The following FDXR variants were observed in gnomAD, a reference collection of about 807,000 sequenced individuals.
FDXR encodes the protein NADPH:adrenodoxin oxidoreductase, mitochondrial.
FDXR carries 38 observed loss-of-function variants against 58.3 expected under a neutral mutation model. That is an observed-to-expected ratio of 0.65 (90% CI 0.50 to 0.85). The LOEUF (loss-of-function observed/expected upper bound fraction) is 0.85. Ranked by LOEUF, FDXR falls within the 40% of genes least tolerant of loss-of-function variation. The pLI is 0.00. For synonymous variants in FDXR, 275 were observed against 273.8 expected (o/e 1.00, Z -0.04); for missense variants, 624 against 671.0 (o/e 0.93, Z 0.77).
At chr17:74,869,260 C>T (rs2038294052) in intron 2 of FDXR, among the ~76,000 whole-genome samples, 1 of 152,226 alleles carries the variant, frequency 6.6e-6, no homozygotes, top group South Asian at 2.1e-4. Flanking sequence ...ACATTGCTGA[C>T]TCTTGGGCCC....
Position 74,864,360 on chromosome 17 carries a change from T to G in FDXR, c.803-13A>C. On this transcript the variant is annotated splice_polypyrimidine_tract_variant and intron_variant, in intron 8 of 11. Coordinates refer to ENST00000293195, the MANE Select transcript of FDXR (RefSeq NM_024417.5). ...GGGCGGGGGACCTCTGTCAGCAACG[T>G]AGAATGTCTCCAGGCTGTCCCTGGG... 1.9e-6 allele frequency: 3 copies of G among 1,580,484 alleles called. No homozygotes were observed. Among genetic ancestry groups the G allele is most frequent in the Non-Finnish European group, 2.6e-6 (3 of 1,161,598 alleles).
chr17:74,864,202 G>A lies in FDXR; in HGVS notation c.948C>T (p.Pro316=). The A allele has an allele frequency of 6.2e-7, 1 of 1,612,026 alleles. No homozygotes were observed. Among genetic ancestry groups the A allele is most frequent in the African/African-American group, 1.3e-5 (1 of 75,050 alleles). Residue 316 remains proline (P), a synonymous_variant, in exon 9 of 12, where the codon CCC becomes CCT. Transcript: ENST00000293195. ...CTGCTGCCCGCCGCCCATCTGGTGA[G>A]GGCAGCACCTGCTGGGGGCTTCGGA... is the stretch of plus-strand genomic sequence containing the variant. ...RFFRSPQQVL[P]SPDGRRAAGV...
At position 74,862,647 on chromosome 17, in the gene FDXR, G is replaced by T. The variant is rs1193050774; in HGVS notation, c.*170C>A. The T allele has an allele frequency of 2.2e-6, 2 of 928,390 alleles. No individual in the cohort carries two copies. The highest frequency in any genetic ancestry group is 3.1e-6 in the Non-Finnish European group (2 of 641,264). 57.5% of individuals were successfully genotyped at this position (928,390 alleles called of 1,614,324 possible). On this transcript the variant is annotated 3_prime_UTR_variant, in exon 12 of 12. Coordinates refer to ENST00000293195, the MANE Select transcript of FDXR (RefSeq NM_024417.5). ...GTTGCTGAAAGCTAAAACCTTGCGC[G>T]CAAGGGCGACCTTCCCCAGGAGGGA...
rs776714079 is a variant in FDXR, at chr17:74,866,529, G to A, written c.310C>T (p.Arg104Cys). ...TCCACGTTGCCCCAGAAGGCACAGC[G>A]GCCAGAATGGGCCGTCTGGGTAAAT... ...NTFTQTAHSG[R>C]CAFWGNVEVG... Residue 104 changes from arginine (R) to cysteine (C), a missense_variant, in exon 4 of 12, where the codon CGC (arginine) becomes TGC (cysteine). Transcript: ENST00000293195. 72 of 1,613,562 alleles carry A rather than the reference G, an allele frequency of 4.5e-5. No homozygotes were observed. The highest frequency in any genetic ancestry group is 2.2e-5 in the East Asian group (1 of 44,888).
At chr17:74,865,852 A>G (rs2467577) in intron 5 of FDXR, 32 bp from the exon 6 acceptor site, 1,230,609 of 1,542,602 alleles carry the variant, frequency 0.8, 493,762 homozygotes, top group African/African-American at 0.95. Flanking sequence ...AGGGTCCCCC[A>G]GCCTCGCTCC....
intron 2 of FDXR, 33 bp from the exon 3 acceptor site, chr17:74,866,909 C>T (rs1244207181): frequency 8.2e-6 from 13 of 1,591,870 alleles, no homozygotes; most frequent in Middle Eastern, 1.7e-4. Context: ...CTGGTGGGGC[C>T]GAGAGAGAGA....
chr17:74,871,644 T>C, intron 2 of FDXR, among the ~76,000 whole-genome samples: 1 of 152,092 alleles, frequency 6.6e-6, no homozygotes, highest in Non-Finnish European at 1.5e-5. Context: ...CAGGTAAAGT[T>C]ACAGAAAGCG....
At chr17:74,866,308 C>G in intron 4 of FDXR, 64 bp from the exon 5 acceptor site, 1 of 1,565,556 alleles carries the variant, frequency 6.4e-7, no homozygotes, top group East Asian at 2.3e-5. Flanking sequence ...GGCCGGGCAG[C>G]CCCCCAGGCT....
Position 74,862,684 on chromosome 17 carries a change from G to A in FDXR, c.*133C>T. On this transcript the variant is annotated 3_prime_UTR_variant, in exon 12 of 12. Coordinates refer to ENST00000293195, the MANE Select transcript of FDXR (RefSeq NM_024417.5). ...TTCCCCAGGAGGGAGGAGAGACGCT[G>A]GAAGAGCAGCCAAGCCTCCAAGCCA... 1 of 1,261,462 alleles carries A rather than the reference G, an allele frequency of 7.9e-7. No homozygotes were observed. The highest frequency in any genetic ancestry group is 1.1e-6 in the Non-Finnish European group (1 of 930,054). 78.1% of individuals were successfully genotyped at this position (1,261,462 alleles called of 1,614,324 possible).
At chr17:74,871,146 C>T (rs1215970819) in intron 2 of FDXR, among the ~76,000 whole-genome samples, 1 of 152,172 alleles carries the variant, frequency 6.6e-6, no homozygotes, top group African/African-American at 2.4e-5. Flanking sequence ...CCTCGGCTCA[C>T]GCTGCCCACA....
chr17:74,868,354 G>C, intron 2 of FDXR: 1 of 653,530 alleles, frequency 1.5e-6, no homozygotes, highest in Non-Finnish European at 2.8e-6. Flanking sequence ...GTGGTGTCCT[G>C]CTCAAGGTTA....
chr17:74,866,525 C>T lies in FDXR; in HGVS notation c.314G>A (p.Cys105Tyr), dbSNP rs367813817. The stretch of plus-strand genomic sequence containing the variant: ...CACCTCCACGTTGCCCCAGAAGGCA[C>T]AGCGGCCAGAATGGGCCGTCTGGGT... ...TFTQTAHSGR[C>Y]AFWGNVEVGR... Residue 105 changes from cysteine (C) to tyrosine (Y), a missense_variant, in exon 4 of 12, where the codon TGT becomes TAT. By Grantham distance (194) the Cys-to-Tyr change is radical (BLOSUM62 -2). Transcript: ENST00000293195. 5 of 1,613,686 alleles carry T rather than the reference C, an allele frequency of 3.1e-6. No individual in the cohort carries two copies. The highest frequency in any genetic ancestry group is 1.7e-5 in the Admixed American group (1 of 60,002).
At chr17:74,863,297 C>A in intron 10 of FDXR, 51 bp from the exon 11 acceptor site, 1 of 1,531,332 alleles carries the variant, frequency 6.5e-7, no homozygotes, top group Non-Finnish European at 8.9e-7. Flanking sequence ...GGATACCACC[C>A]TGGCCATCCT....
At chr17:74,869,213 C>T (rs1271070533) in intron 2 of FDXR, among the ~76,000 whole-genome samples, 1 of 152,234 alleles carries the variant, frequency 6.6e-6, no homozygotes, top group African/African-American at 2.4e-5. Context: ...AGCCAACCAT[C>T]TACAGCTGTG....
In FDXR at chr17:74,872,095, G is replaced by C. The variant is rs1369578729; in HGVS notation, c.118C>G (p.Gln40Glu). 2 of 1,607,048 alleles carry C rather than the reference G, an allele frequency of 1.2e-6. No individual in the cohort carries two copies. The highest frequency in any genetic ancestry group is 2.2e-5 in the South Asian group (2 of 90,130). Residue 40 changes from glutamine to glutamate, a missense_variant, in exon 2 of 12, where the codon CAG becomes GAG. Physicochemically the swap from Gln to Glu is conservative, Grantham distance 29. Coordinates refer to ENST00000293195, the MANE Select transcript of FDXR (RefSeq NM_024417.5). ...HHFSTQEKTP[Q>E]ICVVGSGPAG... ...GGGCCACTGCCCACCACACAGATCTGGGGGGTCTTCTCCTGTGTGGAGAAA... is the reference window on the plus strand; with the variant it reads ...GGGCCACTGCCCACCACACAGATCTCGGGGGTCTTCTCCTGTGTGGAGAAA...
Position 74,866,204 on chromosome 17 carries a change from C to T in FDXR, c.434G>A (p.Gly145Asp), listed in dbSNP as rs760056199. Residue 145 changes from glycine (G) to aspartate (D), a missense_variant, in exon 5 of 12, where the codon GGT (glycine) becomes GAT (aspartate). Coordinates refer to ENST00000293195, the MANE Select transcript of FDXR (RefSeq NM_024417.5). ...AEDHRALEIP[G>D]EELPGVCSAR... is the part of the protein sequence containing the mutation. ...GGAGCACACACCTGGCAGCTCCTCA[C>T]CAGGAATTTCCAGGGCCCGATGGTC... is the stretch of plus-strand genomic sequence containing the variant. 6 of 1,613,942 alleles carry T rather than the reference C, an allele frequency of 3.7e-6. No homozygotes were observed. The highest frequency in any genetic ancestry group is 4.2e-6 in the Non-Finnish European group (5 of 1,180,022).
At position 74,866,168 on chromosome 17, in the gene FDXR, A is replaced by G; in HGVS notation, c.470T>C (p.Phe157Ser). The G allele has an allele frequency of 6.2e-7, 1 of 1,613,858 alleles. No individual in the cohort carries two copies. The highest frequency in any genetic ancestry group is 8.5e-7 in the Non-Finnish European group (1 of 1,179,950). ...ELPGVCSARA[F>S]VGWYNGLPEN... Reference sequence around the variant, plus strand: ...AGGAAGCCCGTTGTACCAGCCCACGAAGGCCCGGGCGGAGCACACACCTGG... The same window carrying G: ...AGGAAGCCCGTTGTACCAGCCCACGGAGGCCCGGGCGGAGCACACACCTGG... The change falls in exon 5 of 12, where the codon TTC becomes TCC. Residue 157 changes from phenylalanine to serine, a missense_variant. Coordinates refer to ENST00000293195, the MANE Select transcript of FDXR (RefSeq NM_024417.5).
Position 74,872,055 on chromosome 17 carries a change from G to T in FDXR, c.158C>A (p.Thr53Lys). The T allele has an allele frequency of 2.5e-6, 4 of 1,600,916 alleles. No individual in the cohort carries two copies. The highest frequency in any genetic ancestry group is 2.6e-6 in the Non-Finnish European group (3 of 1,173,260). ...VVGSGPAGFY[T>K]AQHLLKHPQA... ...GCTTACCTTTAGCAGGTGTTGGGCC[G>T]TGTAGAAGCCAGCTGGGCCACTGCC... The change falls in exon 2 of 12, where the codon ACG becomes AAG. Residue 53 changes from threonine (T) to lysine (K), a missense_variant. Thr to Lys is a moderately conservative substitution (Grantham distance 78). Transcript: ENST00000293195.
rs1449227766 is a variant in FDXR at position 74,862,580 on chromosome 17, T to TTA, written c.*235_*236dup. The TTA allele has an allele frequency of 1.9e-6, 1 of 525,610 alleles. No homozygotes were observed. The highest frequency in any genetic ancestry group is 1.9e-5 in the African/African-American group (1 of 52,570). The allele number at this position is 525,610 out of a possible 1,614,324, so 32.6% of individuals were successfully genotyped here. On this transcript the variant is annotated 3_prime_UTR_variant, in exon 12 of 12. Transcript: ENST00000293195. ...CAGCAGTAGAGAGATGGGTAAGGGG[T>TTA]TAGATCGGCCCACACCTCCACCTGT...
Sources: gnomAD v4.1 joint callset for allele counts (sites outside exome capture counted in the v4.1 genomes callset) on GRCh38, gnomAD v4.1.1 for gene constraint, MANE v1.5 for transcripts, NCBI Gene and HGNC (gene_info 2026-07-23, HGNC 2026-07-21) for gene names.